Variants in PTPRQ observed in about 807,000 individuals in gnomAD.
PTPRQ encodes protein tyrosine phosphatase receptor type Q.
In PTPRQ, 199 loss-of-function variants were observed where a neutral mutation model predicts 246.0. The observed-to-expected ratio is 0.81, with a 90% CI of 0.72 to 0.91. The LOEUF (loss-of-function observed/expected upper bound fraction) is 0.91. Ranked by LOEUF, PTPRQ falls within the 40% of genes least tolerant of loss-of-function variation. PTPRQ has a pLI of 0.00. For synonymous variants in PTPRQ, 869 were observed against 853.2 expected (o/e 1.02, Z -0.32); for missense variants, 2,624 against 2,528.4 (o/e 1.04, Z -0.81).
intron 39 of PTPRQ, among the ~76,000 whole-genome samples, chr12:80,664,859 C>T (rs1163007): frequency 0.94 from 142,421 of 152,112 alleles, 66,780 homozygotes; most frequent in African/African-American, 0.98. Flanking sequence ...TCTCATCTTC[C>T]AGACCTGCAA....
intron 37 of PTPRQ, 109 bp downstream of exon 37, chr12:80,649,778 A>G: frequency 1.4e-6 from 2 of 1,385,604 alleles, no homozygotes; most frequent in Non-Finnish European, 1.9e-6. Context: ...TGGCCTTGAT[A>G]ATCAATACCC....
chr12:80,591,689 C>A (rs1897808129), intron 26 of PTPRQ, among the ~76,000 whole-genome samples: 1 of 152,152 alleles, frequency 6.6e-6, no homozygotes. Flanking sequence ...TCTAATATAA[C>A]TAGAAAACAG....
Position 80,620,241 on chromosome 12 carries a change from C to A in PTPRQ, c.5477C>A (p.Pro1826His), listed in dbSNP as rs538126297. ...PYFTNEGFPN[P>H]PCTEGKTKFS... Reference sequence around the variant, plus strand: ...TTTACAAATGAAGGCTTTCCTAACCCTCCATGTACAGAAGGAAAGACAAAG... The same window carrying A: ...TTTACAAATGAAGGCTTTCCTAACCATCCATGTACAGAAGGAAAGACAAAG... The change falls in exon 32 of 45, where the codon CCT (proline) becomes CAT (histidine). Residue 1826 changes from proline to histidine, a missense_variant. Transcript: ENST00000644991. 139 of 1,549,208 alleles carry A rather than the reference C, an allele frequency of 9.0e-5. No individual in the cohort carries two copies. Among genetic ancestry groups the A allele is most frequent in the Non-Finnish European group, 1.2e-4 (133 of 1,145,424 alleles).
At chr12:80,466,472 C>G (rs144228083) in intron 6 of PTPRQ, among the ~76,000 whole-genome samples, 1,707 of 152,268 alleles carry the variant, frequency 0.011, 18 homozygotes, top group African/African-American at 0.02. Flanking sequence ...CATCAAGCTA[C>G]CAATGACTTT....
intron 26 of PTPRQ, among the ~76,000 whole-genome samples, chr12:80,589,190 T>G (rs544076829): frequency 6.6e-6 from 1 of 152,266 alleles, no homozygotes; most frequent in South Asian, 2.1e-4. Flanking sequence ...AAGTAAAAAA[T>G]GTATATTCCT....
rs1044057561 is a variant in PTPRQ at position 80,539,759 on chromosome 12, A to C, written c.2986-17A>C. On this transcript the variant is annotated splice_polypyrimidine_tract_variant and intron_variant, in intron 19 of 44. Coordinates refer to ENST00000644991, the MANE Select transcript of PTPRQ (RefSeq NM_001145026.2). ...TAAAAAAATACATTCTGAACAATGA[A>C]TGTGTTTATTTTTCAGAATTTTACA... The C allele has an allele frequency of 4.6e-6, 7 of 1,516,614 alleles. No homozygotes were observed. The African/African-American group carries it at 9.9e-5, about 21-fold the overall frequency. The allele number at this position is 1,516,614 out of a possible 1,614,324, so 93.9% of individuals were successfully genotyped here.
In PTPRQ at chr12:80,541,864, T is replaced by C. The variant is rs1664560302; in HGVS notation, c.3445+19T>C. The C allele has an allele frequency of 7.9e-6, 12 of 1,511,366 alleles. No individual in the cohort carries two copies. The highest frequency in any genetic ancestry group is 7.1e-6 in the Non-Finnish European group (8 of 1,132,562). The allele number at this position is 1,511,366 out of a possible 1,614,324, so 93.6% of individuals were successfully genotyped here. A position where few individuals can be genotyped will look rare whatever the true frequency, so the allele number is the denominator to read the frequency against. The stretch of plus-strand genomic sequence containing the variant: ...GAAGATGGTAGGCTAGACCCTTTTA[T>C]TGTCTGTTAAGCAGATTGTTGTTCT... On this transcript the variant is annotated intron_variant, in intron 21 of 44. Transcript: ENST00000644991.
intron 25 of PTPRQ, among the ~76,000 whole-genome samples, chr12:80,560,014 C>T (rs1404560203): frequency 6.6e-6 from 1 of 152,188 alleles, no homozygotes; most frequent in African/African-American, 2.4e-5. Flanking sequence ...CAAGCAGCCA[C>T]ATGTGGACAC....
chr12:80,604,735 T>C (rs1377664848), intron 26 of PTPRQ, among the ~76,000 whole-genome samples: 1 of 151,508 alleles, frequency 6.6e-6, no homozygotes, highest in Non-Finnish European at 1.5e-5. Context: ...TTAACTGTTT[T>C]AAAATAAAAA....
chr12:80,536,673 A>G (rs1053798730), intron 19 of PTPRQ, among the ~76,000 whole-genome samples: 3 of 152,158 alleles, frequency 2.0e-5, no homozygotes, highest in African/African-American at 7.2e-5. Flanking sequence ...CTAGTTTTCT[A>G]CTCTCTATGT....
intron 38 of PTPRQ, among the ~76,000 whole-genome samples, chr12:80,654,188 T>C (rs932012043): frequency 2.0e-5 from 3 of 152,056 alleles, no homozygotes; most frequent in African/African-American, 7.2e-5. Flanking sequence ...TTCTGCCTCC[T>C]GGGTTCAAGC....
At position 80,444,320 on chromosome 12, in the gene PTPRQ, T is replaced by C. The variant is rs1244085288; in HGVS notation, c.-26T>C. Reference sequence around the variant, plus strand: ...TTCTCTCTAGAGCCATCAATGTGATTCTACTGGCTGAAAAATGTAATAAAG... The same window carrying C: ...TTCTCTCTAGAGCCATCAATGTGATCCTACTGGCTGAAAAATGTAATAAAG... On this transcript the variant is annotated 5_prime_UTR_variant, in exon 1 of 45. Coordinates refer to ENST00000644991, the MANE Select transcript of PTPRQ (RefSeq NM_001145026.2). 7 of 1,256,502 alleles carry C rather than the reference T, an allele frequency of 5.6e-6. No homozygotes were observed. The highest frequency in any genetic ancestry group is 1.8e-4 in the Middle Eastern group (1 of 5,408). 77.8% of individuals were successfully genotyped at this position (1,256,502 alleles called of 1,614,324 possible). A position where few individuals can be genotyped will look rare whatever the true frequency, so the allele number is the denominator to read the frequency against.
At chr12:80,592,640 A>G (rs1897837625) in intron 26 of PTPRQ, among the ~76,000 whole-genome samples, 1 of 152,120 alleles carries the variant, frequency 6.6e-6, no homozygotes, top group South Asian at 2.1e-4. Flanking sequence ...ATGAAAATAT[A>G]ATGGCCATGT....
chr12:80,550,536 T>G (rs188656381), intron 25 of PTPRQ, among the ~76,000 whole-genome samples: 1 of 152,252 alleles, frequency 6.6e-6, no homozygotes, highest in East Asian at 1.9e-4. Flanking sequence ...TTTTTCAGAC[T>G]ACGGTGTTTC....
intron 17 of PTPRQ, chr12:80,512,858 T>C (rs1416451543): frequency 1.3e-5 from 2 of 151,980 alleles, no homozygotes; most frequent in Non-Finnish European, 2.9e-5. Context: ...GAAAGTGGGG[T>C]GAGGGAATCT....
chr12:80,543,307 A>G (rs938243986), intron 23 of PTPRQ, among the ~76,000 whole-genome samples: 1 of 150,894 alleles, frequency 6.6e-6, no homozygotes, highest in African/African-American at 2.4e-5. Context: ...ATATGATCCT[A>G]CACTAATTGG....
At position 80,613,836 on chromosome 12, in the gene PTPRQ, T is replaced by A. The variant is rs1385524361; in HGVS notation, c.5163T>A (p.Ser1721Arg). ...AAGGTGGACATACATACAATATCAGTGTAAGAATCCGTAGCTTCAGTTAAT... is the reference window on the plus strand; with the variant it reads ...AAGGTGGACATACATACAATATCAGAGTAAGAATCCGTAGCTTCAGTTAAT... ...GLKGGHTYNI[S>R]VYAVNSAGAG... is the part of the protein sequence containing the mutation. The change falls in exon 29 of 45, where the codon AGT becomes AGA. Residue 1721 changes from serine (S) to arginine (R), a missense_variant and splice_region_variant. By Grantham distance (110) the Ser-to-Arg change is moderately radical. Coordinates refer to ENST00000644991, the MANE Select transcript of PTPRQ (RefSeq NM_001145026.2). 1.1e-5 allele frequency: 17 copies of A among 1,497,390 alleles called. No individual in the cohort carries two copies. In the Admixed American group the frequency reaches 1.4e-4, roughly 12 times the overall value. The allele number at this position is 1,497,390 out of a possible 1,614,324, so 92.8% of individuals were successfully genotyped here.
chr12:80,520,195 T>A (rs931879805), intron 17 of PTPRQ, among the ~76,000 whole-genome samples: 1 of 152,176 alleles, frequency 6.6e-6, no homozygotes, highest in African/African-American at 2.4e-5. Context: ...TGTTGAATTG[T>A]ATCTCCCATA....
intron 4 of PTPRQ, among the ~76,000 whole-genome samples, chr12:80,459,067 CATGT>C (rs772021972): frequency 4.7e-4 from 71 of 152,184 alleles, no homozygotes; most frequent in Non-Finnish European, 7.1e-4. Context: ...TTCATCAATG[CATGT>C]ATTAGCCCAG....
Sources: allele counts gnomAD v4.1 joint callset (sites outside exome capture counted in the v4.1 genomes callset), GRCh38; gene constraint gnomAD v4.1.1; transcripts MANE v1.5; gene names NCBI Gene and HGNC (gene_info 2026-07-23, HGNC 2026-07-21).